The following ZNF536 variants were observed in gnomAD, a reference collection of about 807,000 sequenced individuals.
ZNF536 encodes the protein zinc finger protein 536.
In ZNF536, 13 loss-of-function variants were observed where a neutral mutation model predicts 84.5. The observed-to-expected ratio is 0.15, with a 90% CI of 0.10 to 0.24. The LOEUF (loss-of-function observed/expected upper bound fraction) is 0.24, where lower values mean the gene tolerates loss of function less well. Ranked by LOEUF, ZNF536 falls within the 10% of genes least tolerant of loss-of-function variation. The pLI is 1.00. For missense variants in ZNF536, 1,536 were observed against 1,747.5 expected, an observed-to-expected ratio of 0.88 and a Z score of 2.16; for synonymous variants, 811 against 742.5, an observed-to-expected ratio of 1.09 and a Z score of -1.50.
chr19:30,387,881 C>T (rs963123076), intron 1 of ZNF536, among the ~76,000 whole-genome samples: 2 of 152,134 alleles, frequency 1.3e-5, no homozygotes, highest in Non-Finnish European at 2.9e-5. Flanking sequence ...GGAATGTTCT[C>T]GAGACGCAGG....
intron 1 of ZNF536, among the ~76,000 whole-genome samples, chr19:30,626,911 G>A (rs1168442723): frequency 6.6e-6 from 1 of 152,142 alleles, no homozygotes; most frequent in Non-Finnish European, 1.5e-5. Flanking sequence ...CGTCCTTCCC[G>A]GGTTTTCTTA....
chr19:30,251,748 C>T (rs1045567597), intron 1 of ZNF536, among the ~76,000 whole-genome samples: 2 of 152,184 alleles, frequency 1.3e-5, no homozygotes, highest in Admixed American at 1.3e-4. Flanking sequence ...CCCTTTCCCC[C>T]TGAGTCCCCA....
intron 1 of ZNF536, among the ~76,000 whole-genome samples, chr19:30,655,795 T>C (rs1303528920): frequency 1.3e-5 from 2 of 152,278 alleles, no homozygotes; most frequent in African/African-American, 4.8e-5. Context: ...TCCCAGTGCT[T>C]TGGGAGGCTG....
At chr19:30,392,743 A>G (rs1022340975) in intron 1 of ZNF536, among the ~76,000 whole-genome samples, 1 of 152,238 alleles carries the variant, frequency 6.6e-6, no homozygotes, top group Non-Finnish European at 1.5e-5. Context: ...TATTTATTTG[A>G]CTACATTACA....
intron 1 of ZNF536, among the ~76,000 whole-genome samples, chr19:30,600,075 G>GT (rs1399860982): frequency 1.3e-5 from 2 of 148,320 alleles, no homozygotes; most frequent in African/African-American, 2.5e-5. Context: ...GTTGTTTTTT[G>GT]TTTTTGTTTT....
intron 1 of ZNF536, among the ~76,000 whole-genome samples, chr19:30,233,724 A>G (rs1156263648): frequency 6.6e-6 from 1 of 152,176 alleles, no homozygotes; most frequent in Admixed American, 6.5e-5. Context: ...CAGGTACTAT[A>G]TATGTCCAGA....
intron 1 of ZNF536, among the ~76,000 whole-genome samples, chr19:30,263,865 A>AAC (rs573908568): frequency 4.5e-5 from 6 of 133,420 alleles, no homozygotes; most frequent in Middle Eastern, 7.3e-3. Flanking sequence ...CTGAAATTTA[A>AAC]ACACACACAC....
chr19:30,426,085 G>A (rs2147913124), intron 1 of ZNF536, among the ~76,000 whole-genome samples: 2 of 152,308 alleles, frequency 1.3e-5, no homozygotes, highest in South Asian at 4.1e-4. Context: ...CCTCCCCAGA[G>A]GTGGTCTACT....
intron 2 of ZNF536, among the ~76,000 whole-genome samples, chr19:30,351,360 A>G (rs987443958): frequency 2.0e-5 from 3 of 152,218 alleles, no homozygotes; most frequent in Non-Finnish European, 2.9e-5. Context: ...TTTTTGGACA[A>G]TATCTAGTTA....
chr19:30,675,653 C>G (rs889804389), intron 1 of ZNF536, among the ~76,000 whole-genome samples: 3 of 152,146 alleles, frequency 2.0e-5, no homozygotes, highest in Non-Finnish European at 4.4e-5. Flanking sequence ...GCTTTATTTC[C>G]AGAGGCAAAG....
At chr19:30,657,522 C>T (rs1349600888) in intron 1 of ZNF536, among the ~76,000 whole-genome samples, 3 of 152,102 alleles carry the variant, frequency 2.0e-5, no homozygotes, top group Non-Finnish European at 2.9e-5. Flanking sequence ...TCCTACTGAC[C>T]CTCTCTCCCT....
At chr19:30,371,671 GGATATCT>G (rs921392602), upstream of ZNF536, among the ~76,000 whole-genome samples, 5 of 150,706 alleles carry the variant, frequency 3.3e-5, no homozygotes, top group African/African-American at 1.2e-4. Flanking sequence ...GAGGGTATCT[GGATATCT>G]GTAGGGGAAA....
chr19:30,674,702 C>T (rs76828362), intron 1 of ZNF536, among the ~76,000 whole-genome samples: 296 of 152,292 alleles, frequency 1.9e-3, no homozygotes, highest in African/African-American at 6.7e-3. Context: ...AATATGAACT[C>T]GGAGGCACTT....
At chr19:30,523,560 G>A (rs938878904) in intron 2 of ZNF536, among the ~76,000 whole-genome samples, 2 of 152,192 alleles carry the variant, frequency 1.3e-5, no homozygotes, top group African/African-American at 2.4e-5. Flanking sequence ...GACAAGTGGC[G>A]ACAAGATGGA....
intron 1 of ZNF536, among the ~76,000 whole-genome samples, chr19:30,620,002 T>G (rs2048424987): frequency 6.8e-6 from 1 of 147,716 alleles, no homozygotes; most frequent in Non-Finnish European, 1.5e-5. Context: ...CCCCACCATC[T>G]CCCTTTTCTT....
intron 2 of ZNF536, among the ~76,000 whole-genome samples, chr19:30,531,635 A>T (rs1486412884): frequency 6.6e-6 from 1 of 151,376 alleles, no homozygotes; most frequent in African/African-American, 2.4e-5. Flanking sequence ...GTCCATATAT[A>T]TTTTTTTGAG....
intron 1 of ZNF536, among the ~76,000 whole-genome samples, chr19:30,276,078 G>A (rs1034208345): frequency 6.6e-6 from 1 of 152,056 alleles, no homozygotes; most frequent in African/African-American, 2.4e-5. Context: ...AACTTCAAAA[G>A]GATGGGGAGG....
chr19:30,610,542 A>G (rs1296961597), intron 1 of ZNF536, among the ~76,000 whole-genome samples: 1 of 152,164 alleles, frequency 6.6e-6, no homozygotes, highest in Admixed American at 6.5e-5. Context: ...TTCCCATTCA[A>G]TTTCTGTTTG....
chr19:30,637,142 A>C (rs533435129), intron 1 of ZNF536, among the ~76,000 whole-genome samples: 1 of 152,290 alleles, frequency 6.6e-6, no homozygotes, highest in Non-Finnish European at 1.5e-5. Flanking sequence ...CAGCATTTTT[A>C]TGCAGAGGGT....
Sources: gnomAD v4.1 joint callset for allele counts (sites outside exome capture counted in the v4.1 genomes callset) on GRCh38, gnomAD v4.1.1 for gene constraint, MANE v1.5 for transcripts, NCBI Gene and HGNC (gene_info 2026-07-23, HGNC 2026-07-21) for gene names.